The following GRM8 variants were observed in gnomAD, a reference collection of about 807,000 sequenced individuals.
The protein encoded by GRM8 is metabotropic glutamate receptor 8.
A neutral mutation model predicts 87.2 loss-of-function variants in GRM8; 47 were observed. The observed-to-expected ratio is 0.54, with a 90% CI of 0.43 to 0.69. GRM8 has a LOEUF of 0.69. Ranked by LOEUF, GRM8 falls within the 30% of genes least tolerant of loss-of-function variation. The pLI is 0.00. For synonymous variants in GRM8, 396 were observed against 404.5 expected (o/e 0.98, Z 0.25); for missense variants, 1,019 against 1,139.2 (o/e 0.89, Z 1.52).
chr7:127,074,846 G>A (rs551412555), intron 3 of GRM8, among the ~76,000 whole-genome samples: 26 of 152,286 alleles, frequency 1.7e-4, no homozygotes, highest in African/African-American at 5.5e-4. Flanking sequence ...TGGATTCACT[G>A]ACAGAGTCAA....
intron 6 of GRM8, among the ~76,000 whole-genome samples, chr7:126,793,576 T>G (rs922304459): frequency 3.9e-5 from 6 of 152,172 alleles, no homozygotes; most frequent in Admixed American, 3.3e-4. Context: ...CTGCGAGGAT[T>G]TACTAGACTC....
At chr7:126,781,632 T>A (rs1455153305) in intron 6 of GRM8, among the ~76,000 whole-genome samples, 1 of 152,224 alleles carries the variant, frequency 6.6e-6, no homozygotes, top group African/African-American at 2.4e-5. Flanking sequence ...GGAACACATG[T>A]TATAACACCT....
chr7:126,992,831 GT>G (rs1812801204), intron 3 of GRM8, among the ~76,000 whole-genome samples: 2 of 141,094 alleles, frequency 1.4e-5, no homozygotes, highest in African/African-American at 5.3e-5. Context: ...GTGTGTGTAT[GT>G]GTGTGTGTGT....
At chr7:126,919,587 T>C (rs150857797) in intron 3 of GRM8, among the ~76,000 whole-genome samples, 4 of 152,120 alleles carry the variant, frequency 2.6e-5, no homozygotes, top group African/African-American at 7.2e-5. Flanking sequence ...CATTGAAGCA[T>C]TATAGTTCTC....
chr7:126,709,568 G>A (rs914927963), intron 7 of GRM8, among the ~76,000 whole-genome samples: 1 of 152,168 alleles, frequency 6.6e-6, no homozygotes, highest in Admixed American at 6.5e-5. Flanking sequence ...CTTGTACACT[G>A]TTGGTGGGAA....
intron 3 of GRM8, among the ~76,000 whole-genome samples, chr7:126,952,745 A>G (rs1808297439): frequency 6.6e-6 from 1 of 152,036 alleles, no homozygotes; most frequent in Non-Finnish European, 1.5e-5. Flanking sequence ...GCCCAAATTG[A>G]GGGGAATTTG....
At chr7:126,542,182 AC>A (rs1460815924) in intron 8 of GRM8, among the ~76,000 whole-genome samples, 1 of 152,190 alleles carries the variant, frequency 6.6e-6, no homozygotes, top group Admixed American at 6.5e-5. Flanking sequence ...TATTTAAGCC[AC>A]CCAGTCTGTG....
At chr7:126,608,387 C>T (rs908209911) in intron 8 of GRM8, among the ~76,000 whole-genome samples, 1 of 152,184 alleles carries the variant, frequency 6.6e-6, no homozygotes, top group Non-Finnish European at 1.5e-5. Context: ...GGGTACCCAT[C>T]AGACTCCAGC....
chr7:126,664,482 A>G (rs574611218), intron 7 of GRM8, among the ~76,000 whole-genome samples: 1 of 152,256 alleles, frequency 6.6e-6, no homozygotes, highest in African/African-American at 2.4e-5. Flanking sequence ...AAATAAAGTC[A>G]TCCAATCTTC....
chr7:126,626,101 A>AGTGTATATGTGT (rs147069195), intron 7 of GRM8, among the ~76,000 whole-genome samples: 1 of 148,738 alleles, frequency 6.7e-6, no homozygotes, highest in Non-Finnish European at 1.5e-5. Flanking sequence ...ATATGAGAGA[A>AGTGTATATGTGT]GTGTGTGTGT....
intron 9 of GRM8, among the ~76,000 whole-genome samples, chr7:126,456,302 C>T (rs531898059): frequency 1.3e-5 from 2 of 151,356 alleles, no homozygotes; most frequent in South Asian, 2.1e-4. Flanking sequence ...TCCCAGGTAA[C>T]GTACTGATTC....
chr7:126,479,208 G>A (rs143123010), intron 9 of GRM8, among the ~76,000 whole-genome samples: 9 of 152,200 alleles, frequency 5.9e-5, no homozygotes, highest in African/African-American at 2.2e-4. Flanking sequence ...TGTAATGGAA[G>A]AGAGTTGTGC....
chr7:127,051,419 C>T (rs549704975), intron 3 of GRM8, among the ~76,000 whole-genome samples: 1 of 151,972 alleles, frequency 6.6e-6, no homozygotes, highest in South Asian at 2.1e-4. Context: ...GGCATTTGTA[C>T]AATACCCCAT....
chr7:126,793,744 AGTAAT>A (rs1160439396), intron 6 of GRM8, among the ~76,000 whole-genome samples: 2 of 152,220 alleles, frequency 1.3e-5, no homozygotes, highest in African/African-American at 4.8e-5. Context: ...ACAAGCAAAT[AGTAAT>A]TGTTCAGTTT....
At chr7:126,867,067 C>T (rs890313865) in intron 6 of GRM8, among the ~76,000 whole-genome samples, 9 of 152,124 alleles carry the variant, frequency 5.9e-5, no homozygotes, top group African/African-American at 1.9e-4. Flanking sequence ...CCTGATACTT[C>T]GATCTCTTTA....
At chr7:127,120,521 CT>C (rs1191713069) in intron 2 of GRM8, among the ~76,000 whole-genome samples, 1 of 152,108 alleles carries the variant, frequency 6.6e-6, no homozygotes, top group East Asian at 1.9e-4. Flanking sequence ...CTGAATGAGA[CT>C]TTGAATTTTA....
intron 3 of GRM8, among the ~76,000 whole-genome samples, chr7:126,927,276 C>T (rs982068774): frequency 6.6e-6 from 1 of 152,128 alleles, no homozygotes; most frequent in African/African-American, 2.4e-5. Context: ...GCTAGGACTA[C>T]AGCCATATGC....
At chr7:126,903,473 T>C (rs1802302868) in intron 5 of GRM8, among the ~76,000 whole-genome samples, 1 of 150,702 alleles carries the variant, frequency 6.6e-6, no homozygotes, top group Admixed American at 6.7e-5. Flanking sequence ...ATACGCAAAC[T>C]CAAACTCAAA....
chr7:126,648,166 T>C (rs776058835), intron 7 of GRM8, among the ~76,000 whole-genome samples: 7 of 152,092 alleles, frequency 4.6e-5, no homozygotes, highest in African/African-American at 7.2e-5. Flanking sequence ...TCTGACCTCA[T>C]TGCAAACTTC....
Sources: allele counts gnomAD v4.1 joint callset (sites outside exome capture counted in the v4.1 genomes callset), GRCh38; gene constraint gnomAD v4.1.1; transcripts MANE v1.5; gene names NCBI Gene and HGNC (gene_info 2026-07-23, HGNC 2026-07-21).